INPP4B: variants seen among roughly 807,000 people sequenced by gnomAD.
INPP4B encodes the protein inositol polyphosphate 4-phosphatase type II.
A neutral mutation model predicts 122.5 loss-of-function variants in INPP4B; 55 were observed. The observed-to-expected ratio is 0.45, with a 90% CI of 0.36 to 0.56. The LOEUF (loss-of-function observed/expected upper bound fraction) is 0.56, where lower values mean the gene tolerates loss of function less well. Ranked by LOEUF, INPP4B falls within the 20% of genes least tolerant of loss-of-function variation. The pLI is 0.00. For synonymous variants in INPP4B, 403 were observed against 388.7 expected (o/e 1.04, Z -0.43); for missense variants, 1,000 against 1,097.7 (o/e 0.91, Z 1.26).
In INPP4B at chr4:142,794,942, A is replaced by G. The variant is rs186599143; in HGVS notation, c.-254+51267T>C. 3.8e-3 allele frequency among the ~76,000 whole-genome samples: 496 copies of G among 131,412 alleles called. 2 individuals carry two copies. The highest frequency in any genetic ancestry group is 0.015 in the Middle Eastern group (4 of 260). 86.2% of individuals were successfully genotyped at this position (131,412 alleles called of 152,430 possible). A position where few individuals can be genotyped will look rare whatever the true frequency, so the allele number is the denominator to read the frequency against. On this transcript the variant is annotated intron_variant, in intron 1 of 25. Transcript: ENST00000262992. ...TATACACTTTTTTCATGTTATATAT[A>G]TGTGTGTGTATATACATATATATAT... is the stretch of plus-strand genomic sequence containing the variant.
In INPP4B at chr4:142,297,223, C is replaced by A. The variant is rs532313587; in HGVS notation, c.503+8235G>T. ...TATTTCTTTTGCTGGTAGCTGCTAC[C>A]TGGCAATAAGCCATATGATGCCAGA... is the stretch of plus-strand genomic sequence containing the variant. On this transcript the variant is annotated intron_variant, in intron 9 of 25. Coordinates refer to ENST00000262992, the MANE Select transcript of INPP4B (RefSeq NM_001101669.3). Among the ~76,000 whole-genome samples the A allele has an allele frequency of 3.9e-5, 6 of 152,304 alleles. No individual in the cohort carries two copies. In the East Asian group the frequency reaches 1.2e-3, roughly 29 times the overall value.
At chr4:142,707,963 T>C (rs1250668348) in intron 2 of INPP4B, among the ~76,000 whole-genome samples, 1 of 152,182 alleles carries the variant, frequency 6.6e-6, no homozygotes, top group African/African-American at 2.4e-5. Context: ...ATACGGACAA[T>C]GAAATCCAGG....
At chr4:142,214,464 A>T (rs938303910) in intron 12 of INPP4B, among the ~76,000 whole-genome samples, 2 of 152,226 alleles carry the variant, frequency 1.3e-5, no homozygotes, top group Non-Finnish European at 1.5e-5. Context: ...TTTAACATAC[A>T]TTTATAAAGG....
intron 12 of INPP4B, among the ~76,000 whole-genome samples, chr4:142,227,510 C>T (rs1852071132): frequency 6.6e-6 from 1 of 152,022 alleles, no homozygotes; most frequent in Non-Finnish European, 1.5e-5. Flanking sequence ...AAAGTTATTA[C>T]AGCTTTTTAC....
intron 1 of INPP4B, among the ~76,000 whole-genome samples, chr4:142,787,368 C>T (rs1775908066): frequency 6.6e-6 from 1 of 152,026 alleles, no homozygotes; most frequent in South Asian, 2.1e-4. Context: ...ACAAGTTTGG[C>T]CCCTGTTACT....
At chr4:142,113,318 G>A (rs1791218447) in intron 21 of INPP4B, among the ~76,000 whole-genome samples, 1 of 150,198 alleles carries the variant, frequency 6.7e-6, no homozygotes, top group Admixed American at 6.7e-5. Flanking sequence ...ATTAATAAGA[G>A]TAGCTACTTA....
intron 15 of INPP4B, among the ~76,000 whole-genome samples, chr4:142,181,392 A>G (rs1830680492): frequency 6.6e-6 from 1 of 152,348 alleles, no homozygotes; most frequent in Non-Finnish European, 1.5e-5. Context: ...CTAAAAAAAA[A>G]GGAGGAAAGA....
At chr4:142,373,135 A>G (rs1241714285) in intron 7 of INPP4B, among the ~76,000 whole-genome samples, 1 of 152,046 alleles carries the variant, frequency 6.6e-6, no homozygotes, top group Non-Finnish European at 1.5e-5. Context: ...CATATTATGC[A>G]GCATAGTGGA....
At chr4:142,284,354 G>A (rs1433243382) in intron 9 of INPP4B, among the ~76,000 whole-genome samples, 2 of 152,134 alleles carry the variant, frequency 1.3e-5, no homozygotes, top group African/African-American at 4.8e-5. Flanking sequence ...TCTCAAATAA[G>A]TGAGAAGAGA....
chr4:142,390,441 AT>A (rs1340521140), intron 7 of INPP4B, among the ~76,000 whole-genome samples: 1 of 152,104 alleles, frequency 6.6e-6, no homozygotes, highest in Non-Finnish European at 1.5e-5. Flanking sequence ...CTGGAATTCT[AT>A]TTCATAGTAT....
intron 2 of INPP4B, among the ~76,000 whole-genome samples, chr4:142,689,422 A>G (rs1759837428): frequency 6.6e-6 from 1 of 152,190 alleles, no homozygotes; most frequent in East Asian, 1.9e-4. Context: ...AACAATGAAT[A>G]TTTATGAAAT....
intron 25 of INPP4B, among the ~76,000 whole-genome samples, chr4:142,043,417 C>A (rs776573872): frequency 5.3e-5 from 8 of 152,148 alleles, no homozygotes; most frequent in Non-Finnish European, 1.2e-4. Flanking sequence ...TATATATCAT[C>A]ATTCATTTCT....
intron 2 of INPP4B, among the ~76,000 whole-genome samples, chr4:142,655,690 T>C (rs1441780784): frequency 1.3e-5 from 2 of 152,222 alleles, no homozygotes; most frequent in Non-Finnish European, 2.9e-5. Flanking sequence ...TGTGGCAACA[T>C]ACTGTAGATT....
At chr4:142,573,028 T>C (rs1007998598) in intron 2 of INPP4B, among the ~76,000 whole-genome samples, 42 of 152,094 alleles carry the variant, frequency 2.8e-4, no homozygotes, top group African/African-American at 9.6e-4. Context: ...AATTGACTCA[T>C]ATTTCCACAG....
At chr4:142,539,635 G>A (rs1828704125) in intron 2 of INPP4B, among the ~76,000 whole-genome samples, 1 of 152,020 alleles carries the variant, frequency 6.6e-6, no homozygotes. Flanking sequence ...CTCCACGGAA[G>A]CCTGTGAAAA....
chr4:142,601,554 C>A (rs1739913562), intron 2 of INPP4B, among the ~76,000 whole-genome samples: 1 of 130,632 alleles, frequency 7.7e-6, no homozygotes, highest in Non-Finnish European at 1.6e-5. Context: ...AAAGCAGAGA[C>A]AAGTTTATAG....
At chr4:142,452,213 T>A (rs1434427211) in intron 3 of INPP4B, among the ~76,000 whole-genome samples, 2 of 152,184 alleles carry the variant, frequency 1.3e-5, no homozygotes, top group Non-Finnish European at 2.9e-5. Context: ...TTTGTCCATG[T>A]TCCAGCAAAG....
chr4:142,217,340 G>A (rs1847705844), intron 12 of INPP4B, among the ~76,000 whole-genome samples: 1 of 152,154 alleles, frequency 6.6e-6, no homozygotes, highest in Non-Finnish European at 1.5e-5. Context: ...TCATCTTTTT[G>A]TCCAACCGCA....
intron 2 of INPP4B, among the ~76,000 whole-genome samples, chr4:142,522,152 C>A (rs1826167104): frequency 6.6e-6 from 1 of 151,718 alleles, no homozygotes; most frequent in African/African-American, 2.4e-5. Flanking sequence ...TTTTATTTAC[C>A]ATTTCTTTTG....
Sources: gnomAD v4.1 joint callset for allele counts (sites outside exome capture counted in the v4.1 genomes callset) on GRCh38, gnomAD v4.1.1 for gene constraint, MANE v1.5 for transcripts, NCBI Gene and HGNC (gene_info 2026-07-23, HGNC 2026-07-21) for gene names.